DDX21: variants seen among roughly 807,000 people sequenced by gnomAD.
DDX21 encodes DExD-box helicase 21.
A neutral mutation model predicts 90.0 loss-of-function variants in DDX21; 18 were observed. The observed-to-expected ratio is 0.20, with a 90% CI of 0.14 to 0.30. The LOEUF (loss-of-function observed/expected upper bound fraction) is 0.30, where lower values mean the gene tolerates loss of function less well. Ranked by LOEUF, DDX21 falls within the 10% of genes least tolerant of loss-of-function variation. The pLI, the probability that DDX21 is intolerant of heterozygous loss-of-function variation, is 1.00. For missense variants in DDX21, 673 were observed against 944.5 expected, an observed-to-expected ratio of 0.71 and a Z score of 3.77; for synonymous variants, 294 against 318.0, an observed-to-expected ratio of 0.92 and a Z score of 0.80.
At chr10:68,981,718 T>C in intron 14 of DDX21, 137 bp downstream of exon 14, 2 of 775,890 alleles carry the variant, frequency 2.6e-6, no homozygotes, top group Non-Finnish European at 4.1e-6. Flanking sequence ...AATTTTGGAA[T>C]ATTCCCCCCT....
At position 68,963,459 on chromosome 10, in the gene DDX21, G is replaced by A. The variant is rs554159404; in HGVS notation, c.776G>A (p.Arg259His). The change falls in exon 4 of 15, where the codon CGT becomes CAT. Residue 259 changes from arginine (R) to histidine (H), a missense_variant. Physicochemically the swap from Arg to His is conservative, Grantham distance 29. Transcript: ENST00000354185. ...HGELQDRKRG[R>H]APQVLVLAPT... ...GAACTGCAAGACAGGAAGAGAGGCCGTGCCCCTCAGGTAACTGTCTTAAAT... is the reference window on the plus strand; with the variant it reads ...GAACTGCAAGACAGGAAGAGAGGCCATGCCCCTCAGGTAACTGTCTTAAAT... 9 of 1,610,706 alleles carry A rather than the reference G, an allele frequency of 5.6e-6. No homozygotes were observed. Among genetic ancestry groups the A allele is most frequent in the East Asian group, 4.5e-5 (2 of 44,858 alleles).
chr10:68,958,797 ACTGCTGG>A, intron 1 of DDX21, among the ~76,000 whole-genome samples: 1 of 152,214 alleles, frequency 6.6e-6, no homozygotes, highest in East Asian at 1.9e-4. Context: ...CTTGCCTGGA[ACTGCTGG>A]CCTCAAACAA....
At chr10:68,971,396 T>C (rs746567383) in intron 8 of DDX21, among the ~76,000 whole-genome samples, 1 of 152,032 alleles carries the variant, frequency 6.6e-6, no homozygotes, top group Non-Finnish European at 1.5e-5. Flanking sequence ...CCCCAACTAA[T>C]TTTATTTTTT....
chr10:68,967,341 G>A (rs992977533), intron 6 of DDX21, 138 bp downstream of exon 6: 13 of 767,664 alleles, frequency 1.7e-5, no homozygotes, highest in African/African-American at 8.9e-5. Context: ...GCCTGGCCTC[G>A]TATTTTTAGT....
rs1843209520 is a variant in DDX21 at position 68,982,684 on chromosome 10, A to G, written c.2224A>G (p.Arg742Gly). ...CTTCAGGGGACAGCGGGACGGAAAC[A>G]GAAGATTCAGAGGACAGCGGGAAGG... Reference protein sequence around the residue: ...RGFRGQRDGNRRFRGQREGSR... With the variant: ...RGFRGQRDGNGRFRGQREGSR... Residue 742 changes from arginine to glycine, a missense_variant, in exon 15 of 15, where the codon AGA (arginine) becomes GGA (glycine). Physicochemically the swap from Arg to Gly is moderately radical, Grantham distance 125 (BLOSUM62 -2). Transcript: ENST00000354185. 6.2e-7 allele frequency: 1 copy of G among 1,613,900 alleles called. No homozygotes were observed. The highest frequency in any genetic ancestry group is 1.3e-5 in the African/African-American group (1 of 74,956).
At position 68,981,529 on chromosome 10, in the gene DDX21, A is replaced by G; in HGVS notation, c.2038-8A>G. On this transcript the variant is annotated splice_polypyrimidine_tract_variant and splice_region_variant and intron_variant, in intron 13 of 14. Transcript: ENST00000354185. ...GTTGGATTAACTTCCATTTGCTTTG[A>G]TTTCTAGGGTGTTTGCTTTGATGTA... 6.2e-7 allele frequency: 1 copy of G among 1,612,292 alleles called. No individual in the cohort carries two copies. Among genetic ancestry groups the G allele is most frequent in the Non-Finnish European group, 8.5e-7 (1 of 1,179,268 alleles).
chr10:68,969,094 G>A lies in DDX21; in HGVS notation c.1209G>A (p.Lys403=). The A allele has an allele frequency of 6.2e-7, 1 of 1,612,278 alleles. No homozygotes were observed. Among genetic ancestry groups the A allele is most frequent in the Non-Finnish European group, 8.5e-7 (1 of 1,179,610 alleles). Residue 403 remains lysine, a synonymous_variant, in exon 7 of 15, where the codon AAG becomes AAA. Coordinates refer to ENST00000354185, the MANE Select transcript of DDX21 (RefSeq NM_004728.4). ...AACAGGTGGACCTGATTGGTAAAAA[G>A]ACTCAGAAAACGGCAATAACTGTGG... ...TYEQVDLIGK[K]TQKTAITVEH...
intron 7 of DDX21, among the ~76,000 whole-genome samples, chr10:68,969,380 A>G (rs985557767): frequency 1.4e-4 from 21 of 152,168 alleles, no homozygotes; most frequent in African/African-American, 4.8e-4. Flanking sequence ...CCCAGGTTCA[A>G]GTGATTCTCC....
chr10:68,971,826 G>T, intron 8 of DDX21, 65 bp from the exon 9 acceptor site: 1 of 1,533,584 alleles, frequency 6.5e-7, no homozygotes, highest in South Asian at 1.2e-5. Context: ...AGGCCTAACT[G>T]ATGAAGAGAA....
At chr10:68,977,795 A>T in intron 12 of DDX21, 107 bp downstream of exon 12, 4 of 1,238,164 alleles carry the variant, frequency 3.2e-6, no homozygotes, top group Non-Finnish European at 4.4e-6. Flanking sequence ...TCATGAAGTT[A>T]GTAAAGTATT....
chr10:68,979,106 A>C, intron 13 of DDX21, 130 bp downstream of exon 13: 57 of 1,307,090 alleles, frequency 4.4e-5, no homozygotes, highest in Non-Finnish European at 5.4e-5. Flanking sequence ...GGGTAATCTC[A>C]TCCGTGATCC....
intron 4 of DDX21, among the ~76,000 whole-genome samples, 163 bp downstream of exon 4, chr10:68,963,632 ATAAT>A (rs1191179668): frequency 3.9e-5 from 6 of 152,162 alleles, no homozygotes; most frequent in Admixed American, 1.3e-4. Context: ...TTTATATTTA[ATAAT>A]TAATATATAC....
chr10:68,970,550 T>C (rs1843011116), intron 8 of DDX21, among the ~76,000 whole-genome samples, 200 bp downstream of exon 8: 1 of 151,268 alleles, frequency 6.6e-6, no homozygotes, highest in Non-Finnish European at 1.5e-5. Context: ...AGTGCAGTGG[T>C]GTGATCTGGG....
chr10:68,982,925 C>T lies in DDX21; in HGVS notation c.*113C>T, dbSNP rs537152748. 1.8e-3 allele frequency: 2,411 copies of T among 1,333,698 alleles called. 18 individuals carry two copies. Among genetic ancestry groups the T allele is most frequent in the South Asian group, 0.016 (1,102 of 68,060 alleles). The allele number at this position is 1,333,698 out of a possible 1,614,324, so 82.6% of individuals were successfully genotyped here. A position where few individuals can be genotyped will look rare whatever the true frequency, so the allele number is the denominator to read the frequency against. On this transcript the variant is annotated 3_prime_UTR_variant, in exon 15 of 15. Coordinates refer to ENST00000354185, the MANE Select transcript of DDX21 (RefSeq NM_004728.4). ...CATTGTGCCTCCTTTTGACCACTTGCCAAGTCCCTGTCTCTTTCAGACACA... is the reference window on the plus strand; with the variant it reads ...CATTGTGCCTCCTTTTGACCACTTGTCAAGTCCCTGTCTCTTTCAGACACA...
In DDX21 at chr10:68,956,178, C is replaced by T. The variant is rs776068467; in HGVS notation, c.-48C>T. 41 of 1,598,968 alleles carry T rather than the reference C, an allele frequency of 2.6e-5. No individual in the cohort carries two copies. Among genetic ancestry groups the T allele is most frequent in the South Asian group, 8.9e-5 (8 of 90,058 alleles). ...CCAGGGTGGGGAACTACCTCTTCCT[C>T]TCCACGCGGTTGAGAAGACCGGTCG... On this transcript the variant is annotated 5_prime_UTR_variant, in exon 1 of 15. Transcript: ENST00000354185.
Position 68,960,213 on chromosome 10 carries a change from A to G in DDX21, c.495A>G (p.Glu165=). 1.2e-6 allele frequency: 2 copies of G among 1,607,548 alleles called. No individual in the cohort carries two copies. Among genetic ancestry groups the G allele is most frequent in the Non-Finnish European group, 1.7e-6 (2 of 1,178,388 alleles). Residue 165 remains glutamate (E), a synonymous_variant, in exon 2 of 15, where the codon GAA becomes GAG. Coordinates refer to ENST00000354185, the MANE Select transcript of DDX21 (RefSeq NM_004728.4). The part of the protein sequence containing the change: ...PHPEPDCNPS[E]AASEESNSEI... ...CTGAACCGGACTGTAACCCCAGTGAAGCTGCCAGTGAAGAAAGTAACAGTG... is the reference window on the plus strand; with the variant it reads ...CTGAACCGGACTGTAACCCCAGTGAGGCTGCCAGTGAAGAAAGTAACAGTG...
In DDX21 at chr10:68,967,211, A is replaced by G; in HGVS notation, c.1090+8A>G. ...GTGTGGCATACAAGAAAGGTAATCC[A>G]CAAATTCAAGAAGCTGATAAAAAAG... On this transcript the variant is annotated splice_region_variant and intron_variant, in intron 6 of 14. Coordinates refer to ENST00000354185, the MANE Select transcript of DDX21 (RefSeq NM_004728.4). 6.2e-7 allele frequency: 1 copy of G among 1,604,306 alleles called. No homozygotes were observed. The highest frequency in any genetic ancestry group is 2.2e-5 in the East Asian group (1 of 44,596).
At chr10:68,970,955 ATTTTTTTT>A (rs56314802) in intron 8 of DDX21, among the ~76,000 whole-genome samples, 5,338 of 72,638 alleles carry the variant, frequency 0.073, 387 homozygotes, top group African/African-American at 0.24. Flanking sequence ...GCCCAGCCTA[ATTTTTTTT>A]TTTTTTTTTT....
At chr10:68,980,832 CAAA>C (rs11340675) in intron 13 of DDX21, among the ~76,000 whole-genome samples, 5,738 of 99,634 alleles carry the variant, frequency 0.058, 346 homozygotes, top group African/African-American at 0.18. Flanking sequence ...CTGTCTCTAC[CAAA>C]AAAAAAAAAA....
Sources: gnomAD v4.1 joint callset for allele counts (sites outside exome capture counted in the v4.1 genomes callset) on GRCh38, gnomAD v4.1.1 for gene constraint, MANE v1.5 for transcripts, NCBI Gene and HGNC (gene_info 2026-07-23, HGNC 2026-07-21) for gene names.